The following POLK variants were observed in gnomAD, a reference collection of about 807,000 sequenced individuals.
POLK encodes the protein DNA polymerase kappa, also known as polymerase (DNA directed) kappa.
In POLK, 76 loss-of-function variants were observed where a neutral mutation model predicts 94.0. The observed-to-expected ratio is 0.81, with a 90% CI of 0.67 to 0.98. POLK has a LOEUF of 0.98. Among genes scored for constraint, POLK ranks in the 50% least tolerant of loss-of-function variants. The pLI is 0.00. For missense variants in POLK, 954 were observed against 1,010.1 expected, an observed-to-expected ratio of 0.94 and a Z score of 0.75; for synonymous variants, 349 against 325.4, an observed-to-expected ratio of 1.07 and a Z score of -0.78.
At chr5:75,594,560 T>C (rs1561411923) in intron 12 of POLK, among the ~76,000 whole-genome samples, 1 of 152,220 alleles carries the variant, frequency 6.6e-6, no homozygotes, top group Admixed American at 6.5e-5. Context: ...GCAAATTCAG[T>C]GCATGTAGAG....
chr5:75,537,987 G>T (rs1240425287), intron 1 of POLK, among the ~76,000 whole-genome samples: 1 of 152,014 alleles, frequency 6.6e-6, no homozygotes, highest in Non-Finnish European at 1.5e-5. Flanking sequence ...CGCCCGAGTA[G>T]CTGGGACTAC....
At chr5:75,537,577 G>T (rs1769508179) in intron 1 of POLK, among the ~76,000 whole-genome samples, 1 of 152,166 alleles carries the variant, frequency 6.6e-6, no homozygotes, top group Non-Finnish European at 1.5e-5. Flanking sequence ...GCTGCTTCTA[G>T]TCTGCCATCT....
chr5:75,561,546 A>G lies in POLK; in HGVS notation c.256-7794A>G, dbSNP rs534600916. 7.4e-4 allele frequency among the ~76,000 whole-genome samples: 113 copies of G among 152,258 alleles called. 1 individual carries two copies. The highest frequency in any genetic ancestry group is 1.1e-3 in the African/African-American group (45 of 41,554). On this transcript the variant is annotated intron_variant, in intron 3 of 14. Transcript: ENST00000241436. ...TTTGTCAATTTTGGCTTTTGTTGCA[A>G]TTGCTTTCAGTGTTTTAGTCATGAA...
chr5:75,587,393 G>A (rs1167935239), intron 10 of POLK, among the ~76,000 whole-genome samples: 1 of 152,108 alleles, frequency 6.6e-6, no homozygotes, highest in African/African-American at 2.4e-5. Flanking sequence ...GTAACAATGG[G>A]AATTCTTCCT....
chr5:75,562,384 G>T (rs1434046676), intron 3 of POLK, among the ~76,000 whole-genome samples: 6 of 152,188 alleles, frequency 3.9e-5, no homozygotes, highest in Non-Finnish European at 8.8e-5. Context: ...TGCTGAAGTT[G>T]CTTATCAGCT....
At chr5:75,536,959 A>T (rs1183027305) in intron 1 of POLK, among the ~76,000 whole-genome samples, 2 of 152,122 alleles carry the variant, frequency 1.3e-5, no homozygotes, top group Non-Finnish European at 2.9e-5. Context: ...AGCTGAGTTC[A>T]CACAGAAGCA....
At chr5:75,512,855 T>G (rs529412454) in intron 1 of POLK, 4 of 152,340 alleles carry the variant, frequency 2.6e-5, no homozygotes, top group African/African-American at 7.2e-5. Flanking sequence ...TGGCCGAGTG[T>G]GGTGGCTCAC....
chr5:75,543,160 A>G (rs1769840329), intron 1 of POLK, among the ~76,000 whole-genome samples: 1 of 151,704 alleles, frequency 6.6e-6, no homozygotes. Flanking sequence ...CTCCTGTCTC[A>G]GCCTCCTGAG....
intron 3 of POLK, among the ~76,000 whole-genome samples, chr5:75,567,652 A>G (rs565687887): frequency 3.3e-5 from 5 of 152,334 alleles, no homozygotes; most frequent in Middle Eastern, 3.4e-3. Flanking sequence ...TCCTGAAGGA[A>G]CTGACAATTT....
At chr5:75,565,351 G>A (rs1272070893) in intron 3 of POLK, among the ~76,000 whole-genome samples, 3 of 152,074 alleles carry the variant, frequency 2.0e-5, no homozygotes, top group Non-Finnish European at 4.4e-5. Flanking sequence ...GGAGGACTTT[G>A]TTATTACCCA....
chr5:75,521,389 T>C (rs1399994243), intron 1 of POLK, among the ~76,000 whole-genome samples: 1 of 152,186 alleles, frequency 6.6e-6, no homozygotes, highest in Non-Finnish European at 1.5e-5. Flanking sequence ...GAGCCTCTAA[T>C]GAATTTTTTA....
chr5:75,604,158 GGTCCTAAAGA>G (rs1217491886), downstream of POLK, among the ~76,000 whole-genome samples: 11 of 152,058 alleles, frequency 7.2e-5, no homozygotes, highest in Non-Finnish European at 1.5e-5. Context: ...TGTCACACTG[GGTCCTAAAGA>G]GTGGACATTC....
chr5:75,521,292 A>T (rs953630862), intron 1 of POLK, among the ~76,000 whole-genome samples: 9 of 150,718 alleles, frequency 6.0e-5, no homozygotes, highest in Non-Finnish European at 8.9e-5. Context: ...CCTTTTTATT[A>T]TTTTTTTTCC....
In POLK at chr5:75,552,568, C is replaced by T. The variant is rs774272356; in HGVS notation, c.232C>T (p.Gln78Ter). Residue 78 changes from glutamine to a stop codon, truncating the protein, a stop_gained, in exon 3 of 15, where the codon CAG (glutamine) becomes TAG (stop). Coordinates refer to ENST00000241436, the Ensembl canonical transcript of POLK. LOFTEE classifies it high-confidence loss of function. ...ACAAAAAGCTCAAATCACCAGCCAA[C>T]AGCTAAGAAAAGCACAATTACAGGT... 1 of 1,609,890 alleles carries T rather than the reference C, an allele frequency of 6.2e-7. No individual in the cohort carries two copies. The highest frequency in any genetic ancestry group is 2.2e-5 in the East Asian group (1 of 44,668).
chr5:75,590,419 T>G (rs1381064168), exon 11 of POLK: 2 of 1,607,830 alleles, frequency 1.2e-6, no homozygotes, highest in South Asian at 2.2e-5. Context: ...TTGCTCAGGA[T>G]CTACAGAAAG....
chr5:75,569,198 T>A (rs1245850492), intron 3 of POLK, 142 bp from the exon 4 acceptor site: 1 of 594,830 alleles, frequency 1.7e-6, no homozygotes, highest in Admixed American at 3.2e-5. Context: ...GATGGGTGGA[T>A]GGATGAATGG....
At chr5:75,573,564 T>C (rs1771712611) in intron 4 of POLK, among the ~76,000 whole-genome samples, 174 bp from the exon 5 acceptor site, 1 of 152,008 alleles carries the variant, frequency 6.6e-6, no homozygotes, top group African/African-American at 2.4e-5. Flanking sequence ...TAAAAAACAA[T>C]GCTTAATACA....
intron 1 of POLK, among the ~76,000 whole-genome samples, chr5:75,530,897 C>A (rs1455199411): frequency 1.3e-5 from 2 of 151,190 alleles, no homozygotes; most frequent in African/African-American, 4.9e-5. Flanking sequence ...AAGCTGCCTC[C>A]CAGGTTCATG....
In POLK at chr5:75,545,926, C is replaced by A. The variant is rs114702511; in HGVS notation, c.-13-1084C>A. Among the ~76,000 whole-genome samples the A allele has an allele frequency of 7.8e-3, 1,185 of 152,248 alleles. 17 individuals are homozygous for A. Among genetic ancestry groups the A allele is most frequent in the African/African-American group, 0.027 (1,139 of 41,554 alleles). ...TGTATGGCGAATAATATCTATCTTTCAGGGCTGTTATGGCCCTCACATGTA... is the reference window on the plus strand; with the variant it reads ...TGTATGGCGAATAATATCTATCTTTAAGGGCTGTTATGGCCCTCACATGTA... On this transcript the variant is annotated intron_variant, in intron 1 of 14. Coordinates refer to ENST00000241436, the Ensembl canonical transcript of POLK.
Sources: allele counts gnomAD v4.1 joint callset (sites outside exome capture counted in the v4.1 genomes callset), GRCh38; gene constraint gnomAD v4.1.1; transcripts MANE v1.5; gene names NCBI Gene and HGNC (gene_info 2026-07-23, HGNC 2026-07-21).